Variants in GPR143 observed in about 807,000 individuals in gnomAD.
The protein encoded by GPR143 is G protein-coupled receptor 143, also known as G-protein coupled receptor 143.
GPR143 carries 8 observed loss-of-function variants against 27.6 expected under a neutral mutation model. The ratio of observed to expected loss-of-function variants is 0.29; its 90% CI spans 0.17 to 0.52. The LOEUF is 0.52. Among genes scored for constraint, GPR143 ranks in the 20% least tolerant of loss-of-function variants. The pLI is 0.96. For missense variants in GPR143, 303 were observed against 343.1 expected (o/e 0.88, Z 0.92); for synonymous variants, 156 against 153.2 (o/e 1.02, Z -0.13).
chrX:9,774,639 T>C (rs2083565223), intron 1 of GPR143, among the ~76,000 whole-genome samples: 2 of 38,940 alleles, frequency 5.1e-5, no homozygotes, highest in Admixed American at 5.0e-4. Context: ...GACTCCATCC[T>C]GGGGTCTCTA....
Position 9,745,036 on chromosome X carries a change from G to A in GPR143, c.658+1008C>T, listed in dbSNP as rs1309999424. Among the ~76,000 whole-genome samples, 5 of 112,006 alleles carry A rather than the reference G, an allele frequency of 4.5e-5. No homozygotes were observed. In the South Asian group the frequency reaches 1.1e-3, roughly 25 times the overall value. On this transcript the variant is annotated intron_variant, in intron 5 of 8. Coordinates refer to ENST00000467482, the MANE Select transcript of GPR143 (RefSeq NM_000273.3). ...GGAGGCCAAGGTGGGTGGATCACCC[G>A]AGGTCAGGAGTTTAAGACCAGCCTG...
In GPR143 at chrX:9,726,056, T is replaced by G. The variant is rs767822286; in HGVS notation, c.1121-216A>C. ...AACTTTCCATCTACATTTTATTAAA[T>G]CATTACAACGGATGACACAAGCCCT... On this transcript the variant is annotated intron_variant, in intron 8 of 8. Transcript: ENST00000467482. 6.3e-6 allele frequency: 4 copies of G among 637,080 alleles called. No individual in the cohort carries two copies. The East Asian group carries it at 5.6e-4, about 90-fold the overall frequency. The allele number at this position is 637,080 out of a possible 1,213,427, so 52.5% of individuals were successfully genotyped here.
chrX:9,740,634 T>A (rs1246345247), intron 7 of GPR143: 4 of 288,928 alleles, frequency 1.4e-5, no homozygotes, highest in Non-Finnish European at 2.4e-5. Context: ...GTAATTGGTA[T>A]AATTGTATAT....
rs73472102 is a variant in GPR143 at position 9,751,244 on chromosome X, C to T, written c.456-2578G>A. Among the ~76,000 whole-genome samples, 591 of 112,383 alleles carry T rather than the reference C, an allele frequency of 5.3e-3. 3 individuals are homozygous for T. Among genetic ancestry groups the T allele is most frequent in the African/African-American group, 0.018 (551 of 30,989 alleles). On this transcript the variant is annotated intron_variant, in intron 3 of 8. Coordinates refer to ENST00000467482, the MANE Select transcript of GPR143 (RefSeq NM_000273.3). Reference sequence around the variant, plus strand: ...CCCTCCAGGGCAGGCTGGCCGTCCCCGCCCACCTCCACTTTCCTACAAGGC... The same window carrying T: ...CCCTCCAGGGCAGGCTGGCCGTCCCTGCCCACCTCCACTTTCCTACAAGGC...
chrX:9,736,558 GGGGATAC>G (rs753048645), intron 8 of GPR143, among the ~76,000 whole-genome samples: 1 of 111,263 alleles, frequency 9.0e-6, no homozygotes, highest in Non-Finnish European at 1.9e-5. Context: ...CTGAGTAGCT[GGGGATAC>G]AGGTTCATAC....
intron 3 of GPR143, 56 bp from the exon 4 acceptor site, chrX:9,748,722 G>C: frequency 1.2e-6 from 1 of 808,202 alleles, no homozygotes. Context: ...GGCCTGCCTG[G>C]AACTGCCAGG....
chrX:9,732,639 G>A lies in GPR143; in HGVS notation c.1121-6799C>T, dbSNP rs920824766. ...GCACTTTGGGAAGCCGAAGTGGGCA[G>A]ATCACTTGAGGTCGGGAGTTTGAAA... On this transcript the variant is annotated intron_variant, in intron 8 of 8. Coordinates refer to ENST00000467482, the MANE Select transcript of GPR143 (RefSeq NM_000273.3). 3.6e-5 allele frequency among the ~76,000 whole-genome samples: 4 copies of A among 110,580 alleles called. No homozygotes were observed. The Admixed American group carries it at 3.9e-4, about 11-fold the overall frequency.
intron 1 of GPR143, among the ~76,000 whole-genome samples, chrX:9,776,047 G>C (rs1250126433): frequency 8.9e-6 from 1 of 111,913 alleles, no homozygotes; most frequent in East Asian, 2.8e-4. Context: ...TGCTTCCCAG[G>C]CACTCAAGTA....
intron 8 of GPR143, 46 bp from the exon 9 acceptor site, chrX:9,725,886 G>T (rs1189745353): frequency 8.7e-7 from 1 of 1,148,541 alleles, no homozygotes; most frequent in East Asian, 3.5e-5. Context: ...TGTCCTAGCA[G>T]GTTTGTCATC....
intron 1 of GPR143, among the ~76,000 whole-genome samples, chrX:9,775,931 G>C (rs774711597): frequency 8.9e-6 from 1 of 112,327 alleles, no homozygotes; most frequent in African/African-American, 3.2e-5. Context: ...TGGGATGACT[G>C]TCTGCCTTGG....
intron 1 of GPR143, among the ~76,000 whole-genome samples, chrX:9,775,505 C>T (rs2083568288): frequency 1.8e-5 from 2 of 111,827 alleles, no homozygotes; most frequent in African/African-American, 6.5e-5. Flanking sequence ...ACCTCCACCC[C>T]TGTGGCTCCT....
At chrX:9,739,213 C>T (rs1406506371) in intron 8 of GPR143, among the ~76,000 whole-genome samples, 1 of 112,451 alleles carries the variant, frequency 8.9e-6, no homozygotes, top group Non-Finnish European at 1.9e-5. Flanking sequence ...GGAAAAAAAT[C>T]ACATTTTTAG....
At chrX:9,757,002 A>G (rs927234290) in intron 3 of GPR143, among the ~76,000 whole-genome samples, 13 of 112,978 alleles carry the variant, frequency 1.2e-4, no homozygotes, top group African/African-American at 4.2e-4. Flanking sequence ...AGCACACAAA[A>G]TGTCCATCAA....
intron 3 of GPR143, among the ~76,000 whole-genome samples, chrX:9,756,179 A>G (rs1463551316): frequency 2.7e-5 from 3 of 112,147 alleles, no homozygotes; most frequent in Non-Finnish European, 5.6e-5. Flanking sequence ...TTTATTCAAT[A>G]AATGGTGCTG....
At chrX:9,746,774 G>C (rs1254078607) in intron 4 of GPR143, among the ~76,000 whole-genome samples, 1 of 109,399 alleles carries the variant, frequency 9.1e-6, no homozygotes, top group Non-Finnish European at 1.9e-5. Context: ...TGTTACCAAG[G>C]TAACAACTCT....
Position 9,741,501 on chromosome X carries a change from A to G in GPR143, c.768-46T>C, listed in dbSNP as rs754370067. 3 of 638,457 alleles carry G rather than the reference A, an allele frequency of 4.7e-6. No homozygotes were observed. In the South Asian group the frequency reaches 6.6e-5, roughly 14 times the overall value. 52.6% of individuals were successfully genotyped at this position (638,457 alleles called of 1,213,427 possible). ...GCAGGTAAAGAGAACATGCAATGAA[A>G]CTCGTTTTTAAATGCTGGAGAGTCA... On this transcript the variant is annotated intron_variant, in intron 6 of 8. Coordinates refer to ENST00000467482, the MANE Select transcript of GPR143 (RefSeq NM_000273.3).
rs190561648 is a variant in GPR143 at position 9,740,862 on chromosome X, G to T, written c.885+476C>A. The T allele has an allele frequency of 1.4e-5, 4 of 286,199 alleles. No individual in the cohort carries two copies. The East Asian group carries it at 1.5e-4, about 10-fold the overall frequency. 23.6% of individuals were successfully genotyped at this position (286,199 alleles called of 1,213,427 possible). ...CTGTGTGGCTTTTTCATGGTCTGAAGCATTCCTTCAAGATCCATGCTCTGA... is the reference window on the plus strand; with the variant it reads ...CTGTGTGGCTTTTTCATGGTCTGAATCATTCCTTCAAGATCCATGCTCTGA... On this transcript the variant is annotated intron_variant, in intron 7 of 8. Transcript: ENST00000467482.
At chrX:9,728,063 T>G (rs974602976) in intron 8 of GPR143, among the ~76,000 whole-genome samples, 2 of 112,530 alleles carry the variant, frequency 1.8e-5, no homozygotes, top group Non-Finnish European at 3.8e-5. Context: ...TCCTCCCTGA[T>G]TTTTCTTCAT....
rs184533863 is a variant in GPR143, at chrX:9,761,219, G to A, written c.251-393C>T. On this transcript the variant is annotated intron_variant, in intron 1 of 8. Transcript: ENST00000467482. ...AGTAATTCTCCTGCCTCAGCCTCCC[G>A]AGTGGCTGGGATTACAGGCACCCAC... is the stretch of plus-strand genomic sequence containing the variant. 7.9e-3 allele frequency among the ~76,000 whole-genome samples: 872 copies of A among 110,462 alleles called. 9 individuals carry two copies. The highest frequency in any genetic ancestry group is 0.027 in the African/African-American group (825 of 30,331).
Sources: allele counts gnomAD v4.1 joint callset (sites outside exome capture counted in the v4.1 genomes callset), GRCh38; gene constraint gnomAD v4.1.1; transcripts MANE v1.5; gene names NCBI Gene and HGNC (gene_info 2026-07-23, HGNC 2026-07-21).